DMC1: variants seen among roughly 807,000 people sequenced by gnomAD.
The protein encoded by DMC1 is DNA meiotic recombinase 1, also known as meiotic recombination protein DMC1 homolog.
Under a neutral mutation model 50.1 loss-of-function variants are expected in DMC1, and 27 were observed. That is an observed-to-expected ratio of 0.54 (90% CI 0.40 to 0.74). DMC1 has a LOEUF of 0.74. Among genes scored for constraint, DMC1 ranks in the 30% least tolerant of loss-of-function variants. The probability of loss-of-function intolerance (pLI) is 0.00; values close to 1 mark genes in which losing one functional copy is unlikely to be tolerated. For synonymous variants in DMC1, 148 were observed against 136.1 expected (o/e 1.09, Z -0.61); for missense variants, 295 against 420.2 (o/e 0.70, Z 2.60).
At chr22:38,562,504 G>T in intron 4 of DMC1, 135 bp from the exon 5 acceptor site, 1 of 674,608 alleles carries the variant, frequency 1.5e-6, no homozygotes, top group Non-Finnish European at 2.6e-6. Flanking sequence ...GTCCTTGAAG[G>T]CAGTACAAGA....
chr22:38,529,654 A>G (rs1457270015), intron 12 of DMC1, among the ~76,000 whole-genome samples: 1 of 152,198 alleles, frequency 6.6e-6, no homozygotes. Flanking sequence ...AAGATGGTAC[A>G]GTGAGGTTCA....
downstream of DMC1, among the ~76,000 whole-genome samples, chr22:38,518,671 C>T (rs1158071587): frequency 3.3e-5 from 5 of 151,984 alleles, no homozygotes; most frequent in African/African-American, 9.7e-5. Context: ...GCTGGGACCT[C>T]AGGCACACAC....
chr22:38,536,398 CTTTG>C (rs1338798974), intron 12 of DMC1, among the ~76,000 whole-genome samples: 2 of 152,136 alleles, frequency 1.3e-5, no homozygotes, highest in African/African-American at 4.8e-5. Context: ...GGCAACAAAC[CTTTG>C]TTTGATTTAT....
intron 12 of DMC1, among the ~76,000 whole-genome samples, chr22:38,535,359 T>C (rs564217273): frequency 6.6e-6 from 1 of 150,376 alleles, no homozygotes; most frequent in African/African-American, 2.4e-5. Flanking sequence ...CACATACATA[T>C]ACATATGAGA....
downstream of DMC1, among the ~76,000 whole-genome samples, chr22:38,516,061 C>T (rs1178638201): frequency 6.6e-6 from 1 of 152,164 alleles, no homozygotes; most frequent in African/African-American, 2.4e-5. Context: ...ACTGGAAAGC[C>T]ATGGTCCTTT....
Position 38,538,196 on chromosome 22 carries a change from A to T in DMC1, c.775+99T>A, listed in dbSNP as rs535057900. ...TATTCTCATAAAGGTAATTTTATTT[A>T]AAAAAAAATCGCTGCCTCCTGACAT... On this transcript the variant is annotated intron_variant, in intron 11 of 13. Coordinates refer to ENST00000216024, the MANE Select transcript of DMC1 (RefSeq NM_007068.4). 1.2e-4 allele frequency: 104 copies of T among 895,232 alleles called. No homozygotes were observed. In the East Asian group the frequency reaches 1.6e-3, roughly 14 times the overall value. The allele number at this position is 895,232 out of a possible 1,614,324, so 55.5% of individuals were successfully genotyped here.
intron 12 of DMC1, among the ~76,000 whole-genome samples, chr22:38,530,792 G>A (rs972651010): frequency 4.6e-5 from 7 of 151,968 alleles, no homozygotes; most frequent in Non-Finnish European, 7.4e-5. Flanking sequence ...TCCTTAGGAC[G>A]GGTGTGGTGG....
At chr22:38,560,826 T>C (rs1388966331) in intron 5 of DMC1, among the ~76,000 whole-genome samples, 1 of 152,146 alleles carries the variant, frequency 6.6e-6, no homozygotes, top group African/African-American at 2.4e-5. Flanking sequence ...GGTAAATCTT[T>C]TTTCATATAG....
At chr22:38,521,926 A>C (rs2090033448) in intron 12 of DMC1, among the ~76,000 whole-genome samples, 1 of 151,576 alleles carries the variant, frequency 6.6e-6, no homozygotes, top group African/African-American at 2.4e-5. Flanking sequence ...GGCTTTTGAG[A>C]TTCCTATGAT....
At chr22:38,521,521 T>C in intron 13 of DMC1, 87 bp downstream of exon 13, 1 of 932,854 alleles carries the variant, frequency 1.1e-6, no homozygotes, top group Admixed American at 2.1e-5. Context: ...TCGGGCAACA[T>C]GGCAAAACCC....
chr22:38,536,109 G>A (rs1180587586), intron 12 of DMC1, among the ~76,000 whole-genome samples: 6 of 151,622 alleles, frequency 4.0e-5, no homozygotes, highest in East Asian at 3.9e-4. Flanking sequence ...CCAGCTGCTC[G>A]GGAGGCTGAG....
At chr22:38,524,310 A>C (rs2090063014) in intron 12 of DMC1, among the ~76,000 whole-genome samples, 2 of 152,086 alleles carry the variant, frequency 1.3e-5, no homozygotes, top group Admixed American at 6.6e-5. Context: ...GCTACTCAGG[A>C]AGCTGAGGCA....
intron 7 of DMC1, among the ~76,000 whole-genome samples, chr22:38,550,930 CAAAA>C (rs60295497): frequency 0.38 from 21,166 of 55,908 alleles, 964 homozygotes; most frequent in Middle Eastern, 0.45. Context: ...GACTCCATCT[CAAAA>C]AAAAAAAAAA....
chr22:38,552,720 G>GA lies in DMC1; in HGVS notation c.380-14dup. On this transcript the variant is annotated splice_polypyrimidine_tract_variant and intron_variant, in intron 6 of 13. Transcript: ENST00000216024. Reference sequence around the variant, plus strand: ...CCAGTACGAAATTCTGTGAAATACAGAAAAAAATGATTTTAAAAATGCATA... The same window carrying GA: ...CCAGTACGAAATTCTGTGAAATACAGAAAAAAAATGATTTTAAAAATGCATA... The GA allele has an allele frequency of 4.5e-6, 7 of 1,557,572 alleles. No individual in the cohort carries two copies. The highest frequency in any genetic ancestry group is 1.1e-5 in the South Asian group (1 of 89,482).
chr22:38,553,519 A>C (rs1410270229), intron 6 of DMC1, among the ~76,000 whole-genome samples: 1 of 148,572 alleles, frequency 6.7e-6, no homozygotes, highest in Admixed American at 6.7e-5. Context: ...AAAAAAAAGA[A>C]AGTTTAAGAC....
chr22:38,556,417 CAT>C (rs1359065736), intron 5 of DMC1, among the ~76,000 whole-genome samples: 1 of 152,066 alleles, frequency 6.6e-6, no homozygotes, highest in Non-Finnish European at 1.5e-5. Flanking sequence ...TACTGAAAAA[CAT>C]ATGAAAAACA....
intron 12 of DMC1, among the ~76,000 whole-genome samples, chr22:38,530,025 A>C (rs946209117): frequency 2.0e-5 from 3 of 152,114 alleles, no homozygotes; most frequent in African/African-American, 7.2e-5. Flanking sequence ...GAGTGCAGTC[A>C]CATGATCTCA....
intron 12 of DMC1, among the ~76,000 whole-genome samples, chr22:38,523,761 C>CTT (rs1250573300): frequency 5.4e-5 from 8 of 149,236 alleles, no homozygotes; most frequent in Non-Finnish European, 7.4e-5. Context: ...GAGTGGGACT[C>CTT]TGTCTCAGAA....
downstream of DMC1, among the ~76,000 whole-genome samples, chr22:38,515,491 A>G (rs1257301398): frequency 2.0e-5 from 3 of 147,238 alleles, no homozygotes; most frequent in African/African-American, 7.6e-5. Context: ...AAAAAAAAAA[A>G]GAAAGAAAAA....
Sources: allele counts gnomAD v4.1 joint callset (sites outside exome capture counted in the v4.1 genomes callset), GRCh38; gene constraint gnomAD v4.1.1; transcripts MANE v1.5; gene names NCBI Gene and HGNC (gene_info 2026-07-23, HGNC 2026-07-21).